Variants in ADGRA3 observed in about 807,000 individuals in gnomAD.
ADGRA3 encodes adhesion G protein-coupled receptor A3, also known as G-protein coupled receptor 125.
In ADGRA3, 56 loss-of-function variants were observed where a neutral mutation model predicts 119.8. The observed-to-expected ratio is 0.47, with a 90% CI of 0.38 to 0.58. The LOEUF (loss-of-function observed/expected upper bound fraction) is 0.58, where lower values mean the gene tolerates loss of function less well. Among genes scored for constraint, ADGRA3 ranks in the 20% least tolerant of loss-of-function variants. The pLI is 0.00. For synonymous variants in ADGRA3, 607 were observed against 623.8 expected, an observed-to-expected ratio of 0.97 and a Z score of 0.40; for missense variants, 1,516 against 1,649.0, an observed-to-expected ratio of 0.92 and a Z score of 1.40.
chr4:22,486,527 G>T (rs1220960924), intron 1 of ADGRA3, among the ~76,000 whole-genome samples: 1 of 152,154 alleles, frequency 6.6e-6, no homozygotes, highest in Non-Finnish European at 1.5e-5. Flanking sequence ...CTGTAAAACA[G>T]TCAGATGTCC....
intron 1 of ADGRA3, among the ~76,000 whole-genome samples, chr4:22,494,189 A>G (rs1390632835): frequency 2.0e-5 from 3 of 150,500 alleles, no homozygotes; most frequent in Admixed American, 1.3e-4. Flanking sequence ...TGGGCGACAG[A>G]GCAAGACTCT....
intron 2 of ADGRA3, among the ~76,000 whole-genome samples, chr4:22,465,966 T>C (rs779549094): frequency 1.4e-4 from 21 of 152,166 alleles, no homozygotes; most frequent in Admixed American, 3.3e-4. Flanking sequence ...TCACTGCCTC[T>C]CTGTCCTGGT....
At chr4:22,395,340 A>G (rs1714306059) in intron 16 of ADGRA3, among the ~76,000 whole-genome samples, 1 of 152,194 alleles carries the variant, frequency 6.6e-6, no homozygotes, top group South Asian at 2.1e-4. Flanking sequence ...AATTGTGCCA[A>G]AAAATAAACT....
In ADGRA3 at chr4:22,515,850, G is replaced by C; in HGVS notation, c.-66C>G. On this transcript the variant is annotated 5_prime_UTR_variant, in exon 1 of 19. Coordinates refer to ENST00000334304, the MANE Select transcript of ADGRA3 (RefSeq NM_145290.4). ...GCCTAGCGGGCCGCCCCGGAGCCCGGGCGGGCAGGAGCGCGGCGCGGGCCC... is the reference window on the plus strand; with the variant it reads ...GCCTAGCGGGCCGCCCCGGAGCCCGCGCGGGCAGGAGCGCGGCGCGGGCCC... The C allele has an allele frequency of 1.0e-6, 1 of 975,422 alleles. No individual in the cohort carries two copies. The highest frequency in any genetic ancestry group is 1.2e-6 in the Non-Finnish European group (1 of 822,616). The allele number at this position is 975,422 out of a possible 1,614,324, so 60.4% of individuals were successfully genotyped here.
intron 14 of ADGRA3, among the ~76,000 whole-genome samples, chr4:22,408,220 AAAG>A (rs1259606186): frequency 3.3e-5 from 5 of 152,056 alleles, no homozygotes; most frequent in African/African-American, 7.2e-5. Flanking sequence ...AGAGAACAAA[AAAG>A]AAGATCTTCA....
At chr4:22,449,204 AG>A (rs903026191) in intron 4 of ADGRA3, among the ~76,000 whole-genome samples, 3 of 151,942 alleles carry the variant, frequency 2.0e-5, no homozygotes, top group African/African-American at 7.3e-5. Flanking sequence ...CGGAAGGCAG[AG>A]GCTGCAGTGA....
chr4:22,463,692 C>T (rs1331038448), intron 2 of ADGRA3, among the ~76,000 whole-genome samples: 2 of 152,216 alleles, frequency 1.3e-5, no homozygotes, highest in African/African-American at 2.4e-5. Context: ...CTCTCAGGCT[C>T]ATTCTAGCAA....
chr4:22,461,053 A>G (rs751177370), intron 3 of ADGRA3, among the ~76,000 whole-genome samples: 23 of 152,216 alleles, frequency 1.5e-4, no homozygotes, highest in Admixed American at 7.2e-4. Context: ...TAAAATTGTA[A>G]TATATAGATA....
chr4:22,459,637 A>G (rs1717370547), intron 3 of ADGRA3, among the ~76,000 whole-genome samples: 1 of 152,040 alleles, frequency 6.6e-6, no homozygotes, highest in African/African-American at 2.4e-5. Context: ...CCAGTAAGAC[A>G]TAAAAAAAAT....
intron 1 of ADGRA3, among the ~76,000 whole-genome samples, chr4:22,498,741 C>A (rs930053234): frequency 1.3e-5 from 2 of 151,924 alleles, no homozygotes; most frequent in Non-Finnish European, 2.9e-5. Context: ...TGGTGAAACC[C>A]CGTCTCTACT....
chr4:22,466,499 G>A (rs1311382342), intron 2 of ADGRA3, among the ~76,000 whole-genome samples: 3 of 152,150 alleles, frequency 2.0e-5, no homozygotes, highest in Non-Finnish European at 2.9e-5. Flanking sequence ...GGCCGAGGCA[G>A]GTGGATCACC....
At chr4:22,401,730 A>G (rs935329435) in intron 15 of ADGRA3, among the ~76,000 whole-genome samples, 176 bp from the exon 16 acceptor site, 2 of 152,102 alleles carry the variant, frequency 1.3e-5, no homozygotes, top group Non-Finnish European at 2.9e-5. Context: ...CAGATCTGAG[A>G]CATCATTTAA....
At chr4:22,389,696 TGGATC>T (rs1714029303) in intron 17 of ADGRA3, among the ~76,000 whole-genome samples, 1 of 152,126 alleles carries the variant, frequency 6.6e-6, no homozygotes, top group South Asian at 2.1e-4. Context: ...GGAAGGTATC[TGGATC>T]CCAGCAGCTT....
chr4:22,411,254 G>C (rs1715186986), intron 14 of ADGRA3, among the ~76,000 whole-genome samples: 1 of 152,136 alleles, frequency 6.6e-6, no homozygotes, highest in Admixed American at 6.5e-5. Context: ...AAAACTGAAT[G>C]AGAAAACACT....
intron 4 of ADGRA3, among the ~76,000 whole-genome samples, chr4:22,449,615 G>A (rs1716959193): frequency 1.3e-5 from 2 of 152,160 alleles, no homozygotes. Flanking sequence ...GGGAGGCCAA[G>A]GTGGGCAGAT....
chr4:22,444,946 C>T (rs764607352), intron 6 of ADGRA3, 27 bp downstream of exon 6: 13 of 1,610,086 alleles, frequency 8.1e-6, no homozygotes, highest in Non-Finnish European at 1.0e-5. Flanking sequence ...ATGGTAAATG[C>T]TTTCTCAGTT....
At position 22,473,712 on chromosome 4, in the gene ADGRA3, A is replaced by C. The variant is rs538020165; in HGVS notation, c.329+60T>G. The C allele has an allele frequency of 8.5e-5, 81 of 956,204 alleles. No homozygotes were observed. In the African/African-American group the frequency reaches 1.1e-3, roughly 13 times the overall value. 59.2% of individuals were successfully genotyped at this position (956,204 alleles called of 1,614,324 possible). ...ATTTAGTCACAGATTTACAATGAAG[A>C]TTTACAATGAAAATGCATTAAACAA... On this transcript the variant is annotated intron_variant, in intron 2 of 18. Transcript: ENST00000334304.
chr4:22,397,402 G>A (rs1714408384), intron 16 of ADGRA3, among the ~76,000 whole-genome samples: 2 of 151,888 alleles, frequency 1.3e-5, no homozygotes, highest in Admixed American at 1.3e-4. Context: ...GAATGGTCTC[G>A]ATCTCTTGAC....
chr4:22,436,716 A>C, intron 8 of ADGRA3, 75 bp from the exon 9 acceptor site: 1 of 1,286,454 alleles, frequency 7.8e-7, no homozygotes, highest in Non-Finnish European at 1.1e-6. Context: ...AGCAGAGAAA[A>C]AAATCAAAGA....
Sources: gnomAD v4.1 joint callset for allele counts (sites outside exome capture counted in the v4.1 genomes callset) on GRCh38, gnomAD v4.1.1 for gene constraint, MANE v1.5 for transcripts, NCBI Gene and HGNC (gene_info 2026-07-23, HGNC 2026-07-21) for gene names.